The following MARCHF11 variants were observed in gnomAD, a reference collection of about 807,000 sequenced individuals.
MARCHF11 encodes the protein E3 ubiquitin-protein ligase MARCHF11.
In MARCHF11, 29 loss-of-function variants were observed where a neutral mutation model predicts 37.3. That is an observed-to-expected ratio of 0.78 (90% CI 0.58 to 1.06). The LOEUF (loss-of-function observed/expected upper bound fraction) is 1.06. Ranked by LOEUF, MARCHF11 falls within the 50% of genes least tolerant of loss-of-function variation. The probability of loss-of-function intolerance (pLI) is 0.00; values close to 1 mark genes in which losing one functional copy is unlikely to be tolerated. For missense variants in MARCHF11, 482 were observed against 533.4 expected, an observed-to-expected ratio of 0.90 and a Z score of 0.95; for synonymous variants, 233 against 228.0, an observed-to-expected ratio of 1.02 and a Z score of -0.20.
intron 2 of MARCHF11, among the ~76,000 whole-genome samples, chr5:16,137,002 TAAA>T: frequency 6.6e-6 from 1 of 152,150 alleles, no homozygotes; most frequent in Middle Eastern, 3.4e-3. Flanking sequence ...ATAAAAAATA[TAAA>T]ATCAAATCTA....
At chr5:16,123,340 C>T (rs1051694189) in intron 2 of MARCHF11, among the ~76,000 whole-genome samples, 3 of 151,986 alleles carry the variant, frequency 2.0e-5, no homozygotes, top group African/African-American at 7.3e-5. Context: ...GAGGGAAGAC[C>T]TCGTGAAAAC....
chr5:16,067,399 G>A lies in MARCHF11; in HGVS notation c.*72C>T. 2.2e-6 allele frequency: 3 copies of A among 1,378,310 alleles called. No homozygotes were observed. Among genetic ancestry groups the A allele is most frequent in the Non-Finnish European group, 3.0e-6 (3 of 994,256 alleles). 85.4% of individuals were successfully genotyped at this position (1,378,310 alleles called of 1,614,324 possible). The stretch of plus-strand genomic sequence containing the variant: ...ATAGATGTGTTTTTAGAAGTGCTAT[G>A]GTTTTGCCATTCACTGCAATTACAT... On this transcript the variant is annotated 3_prime_UTR_variant, in exon 4 of 4. Coordinates refer to ENST00000332432, the MANE Select transcript of MARCHF11 (RefSeq NM_001102562.3).
intron 2 of MARCHF11, among the ~76,000 whole-genome samples, chr5:16,142,312 C>T (rs1184643365): frequency 1.3e-5 from 2 of 152,190 alleles, no homozygotes; most frequent in Non-Finnish European, 2.9e-5. Flanking sequence ...CACCTAGGAC[C>T]TATGTCCTCA....
At chr5:16,080,743 A>T (rs112082698) in intron 3 of MARCHF11, among the ~76,000 whole-genome samples, 364 of 152,240 alleles carry the variant, frequency 2.4e-3, no homozygotes, top group African/African-American at 8.5e-3. Flanking sequence ...TAATTCTAGC[A>T]GCTTCCCAGC....
chr5:16,098,335 G>T (rs1736904073), intron 2 of MARCHF11, among the ~76,000 whole-genome samples: 1 of 152,108 alleles, frequency 6.6e-6, no homozygotes, highest in South Asian at 2.1e-4. Context: ...AACAAAAAGA[G>T]AAAAGTATAA....
Position 16,077,367 on chromosome 5 carries a change from C to T in MARCHF11, c.887-9574G>A, listed in dbSNP as rs576155079. On this transcript the variant is annotated intron_variant, in intron 3 of 3. Coordinates refer to ENST00000332432, the MANE Select transcript of MARCHF11 (RefSeq NM_001102562.3). ...TCTACTGCAAACTCACAAAAAAAAA[C>T]GATTTTAATAATTTTCACAGTAAAC... Among the ~76,000 whole-genome samples the T allele has an allele frequency of 3.4e-3, 512 of 151,556 alleles. 5 individuals are homozygous for T. Among genetic ancestry groups the T allele is most frequent in the African/African-American group, 0.012 (495 of 41,146 alleles).
intron 2 of MARCHF11, among the ~76,000 whole-genome samples, chr5:16,106,673 T>C (rs1297499380): frequency 1.3e-5 from 2 of 152,184 alleles, no homozygotes; most frequent in African/African-American, 2.4e-5. Context: ...CAGGAGGTGT[T>C]TGATAATATC....
At chr5:16,118,246 A>G (rs1401585896) in intron 2 of MARCHF11, among the ~76,000 whole-genome samples, 3 of 152,216 alleles carry the variant, frequency 2.0e-5, no homozygotes, top group African/African-American at 7.2e-5. Flanking sequence ...GAGTCCTTCC[A>G]AAGGGATTTG....
chr5:16,071,362 T>C (rs146966918), intron 3 of MARCHF11, among the ~76,000 whole-genome samples: 27 of 152,318 alleles, frequency 1.8e-4, no homozygotes, highest in African/African-American at 6.5e-4. Context: ...GGTTCGTTGG[T>C]TGGTTTTTGT....
chr5:16,118,066 C>T (rs146178191), intron 2 of MARCHF11, among the ~76,000 whole-genome samples: 6 of 152,332 alleles, frequency 3.9e-5, no homozygotes, highest in African/African-American at 1.4e-4. Flanking sequence ...GGTAAGAATT[C>T]ACCTGAAGAA....
At chr5:16,153,811 G>A (rs181165091) in intron 2 of MARCHF11, among the ~76,000 whole-genome samples, 1 of 152,054 alleles carries the variant, frequency 6.6e-6, no homozygotes, top group Admixed American at 6.6e-5. Context: ...ATATGACTAG[G>A]TTGTGGTCCA....
chr5:16,102,286 CTG>C (rs917390632), intron 2 of MARCHF11, among the ~76,000 whole-genome samples: 61 of 152,158 alleles, frequency 4.0e-4, no homozygotes, highest in African/African-American at 1.4e-3. Context: ...TAAAGTCACA[CTG>C]TAAGATGACA....
At chr5:16,157,652 G>A (rs1428868369) in intron 2 of MARCHF11, among the ~76,000 whole-genome samples, 1 of 151,810 alleles carries the variant, frequency 6.6e-6, no homozygotes, top group East Asian at 1.9e-4. Context: ...AATGATGTCA[G>A]ACTCTTAGCT....
chr5:16,131,952 T>C (rs1737522533), intron 2 of MARCHF11, among the ~76,000 whole-genome samples: 2 of 152,190 alleles, frequency 1.3e-5, no homozygotes, highest in South Asian at 2.1e-4. Context: ...TTCACTAACG[T>C]AGAAAGAACG....
intron 2 of MARCHF11, among the ~76,000 whole-genome samples, chr5:16,159,209 G>T (rs1738032074): frequency 6.6e-6 from 1 of 151,776 alleles, no homozygotes; most frequent in Non-Finnish European, 1.5e-5. Flanking sequence ...AATAAAATAA[G>T]TTTAATAAGT....
intron 3 of MARCHF11, among the ~76,000 whole-genome samples, chr5:16,089,070 A>T (rs2126555477): frequency 6.6e-6 from 1 of 152,188 alleles, no homozygotes; most frequent in South Asian, 2.1e-4. Flanking sequence ...AAGACATAAT[A>T]ACTCAGCACT....
chr5:16,106,491 G>A (rs1158831324), intron 2 of MARCHF11, among the ~76,000 whole-genome samples: 1 of 152,196 alleles, frequency 6.6e-6, no homozygotes, highest in Non-Finnish European at 1.5e-5. Context: ...GGTAGCATCA[G>A]AACACAAGAC....
chr5:16,077,806 G>C (rs952654032), intron 3 of MARCHF11, among the ~76,000 whole-genome samples: 1 of 152,146 alleles, frequency 6.6e-6, no homozygotes, highest in Admixed American at 6.5e-5. Flanking sequence ...AGAACCATGG[G>C]AAGAGAGAAA....
chr5:16,168,918 C>T (rs905077413), intron 2 of MARCHF11, among the ~76,000 whole-genome samples: 1 of 151,898 alleles, frequency 6.6e-6, no homozygotes, highest in Non-Finnish European at 1.5e-5. Flanking sequence ...ACAAATATAA[C>T]ATAGGAAACA....
Sources: allele counts gnomAD v4.1 joint callset (sites outside exome capture counted in the v4.1 genomes callset), GRCh38; gene constraint gnomAD v4.1.1; transcripts MANE v1.5; gene names NCBI Gene and HGNC (gene_info 2026-07-23, HGNC 2026-07-21).